HERC3: variants seen among roughly 807,000 people sequenced by gnomAD.
HERC3 encodes the protein HECT and RLD domain containing E3 ubiquitin protein ligase 3.
In HERC3, 58 loss-of-function variants were observed where a neutral mutation model predicts 129.9. The observed-to-expected ratio is 0.45, with a 90% confidence interval of 0.36 to 0.56. The LOEUF (loss-of-function observed/expected upper bound fraction) is 0.56, where lower values mean the gene tolerates loss of function less well. Among genes scored for constraint, HERC3 ranks in the 20% least tolerant of loss-of-function variants. The probability of loss-of-function intolerance (pLI) is 0.00; values close to 1 mark genes in which losing one functional copy is unlikely to be tolerated. For synonymous variants in HERC3, 430 were observed against 451.0 expected (o/e 0.95, Z 0.59); for missense variants, 835 against 1,244.2 (o/e 0.67, Z 4.95).
intron 4 of HERC3, among the ~76,000 whole-genome samples, chr4:88,650,558 C>T (rs1054252712): frequency 6.6e-6 from 1 of 152,072 alleles, no homozygotes; most frequent in African/African-American, 2.4e-5. Context: ...AGAGAACATC[C>T]CAAATATTGA....
chr4:88,551,298 T>G, the HERC3 span, among the ~76,000 whole-genome samples: 1 of 150,762 alleles, frequency 6.6e-6, no homozygotes, highest in East Asian at 1.9e-4. Context: ...CTAATTAAAC[T>G]AAAGAGCTTC....
At chr4:88,643,089 A>T (rs1728302939) in intron 3 of HERC3, among the ~76,000 whole-genome samples, 1 of 152,236 alleles carries the variant, frequency 6.6e-6, no homozygotes, top group Non-Finnish European at 1.5e-5. Flanking sequence ...CTATATCTAT[A>T]TATTAACGAT....
intron 3 of HERC3, among the ~76,000 whole-genome samples, chr4:88,647,162 G>T (rs527529179): frequency 1.2e-4 from 18 of 152,158 alleles, no homozygotes; most frequent in African/African-American, 4.3e-4. Flanking sequence ...TTGGAATCCA[G>T]GTGTTCCCTT....
chr4:88,545,532 G>C, the HERC3 span, among the ~76,000 whole-genome samples: 3 of 149,140 alleles, frequency 2.0e-5, no homozygotes. Context: ...TCTTGGACTC[G>C]AGTGATCCTA....
chr4:88,566,586 AG>A, the HERC3 span, among the ~76,000 whole-genome samples: 2 of 152,206 alleles, frequency 1.3e-5, no homozygotes, highest in Admixed American at 1.3e-4. Context: ...TTATATTACC[AG>A]TGAGTTTTGC....
chr4:88,692,969 C>T, intron 23 of HERC3: 1 of 983,014 alleles, frequency 1.0e-6, no homozygotes, highest in Non-Finnish European at 1.2e-6. Context: ...TTTCAAAAAG[C>T]AAAATTGTAA....
the HERC3 span, among the ~76,000 whole-genome samples, chr4:88,533,744 G>A: frequency 6.6e-6 from 1 of 152,276 alleles, no homozygotes; most frequent in South Asian, 2.1e-4. Context: ...ATGATTTAAA[G>A]TTGTGGCTAA....
At chr4:88,581,168 C>G in the HERC3 span, among the ~76,000 whole-genome samples, 137 of 152,250 alleles carry the variant, frequency 9.0e-4, no homozygotes, top group African/African-American at 3.2e-3. Context: ...CTTCTCTTTT[C>G]CCTTACTAGA....
At chr4:88,564,467 T>C in the HERC3 span, among the ~76,000 whole-genome samples, 1 of 152,218 alleles carries the variant, frequency 6.6e-6, no homozygotes, top group Non-Finnish European at 1.5e-5. Context: ...TTGTTATTGG[T>C]CTATTCACGT....
chr4:88,702,662 A>G (rs932798349), intron 23 of HERC3, among the ~76,000 whole-genome samples: 1 of 152,114 alleles, frequency 6.6e-6, no homozygotes, highest in Admixed American at 6.6e-5. Context: ...GTTTCTCTAA[A>G]TTCTCTATAT....
intron 7 of HERC3, among the ~76,000 whole-genome samples, chr4:88,654,387 T>C (rs56109651): frequency 0.17 from 15,494 of 93,092 alleles, 1,138 homozygotes; most frequent in Middle Eastern, 0.23. Context: ...TATATATATA[T>C]ACACACACAC....
the HERC3 span, among the ~76,000 whole-genome samples, chr4:88,586,389 G>A: frequency 3.0e-5 from 4 of 134,744 alleles, no homozygotes; most frequent in Non-Finnish European, 6.2e-5. Flanking sequence ...ACGGAGTTTC[G>A]CTCTTGTTGC....
At chr4:88,668,449 C>T (rs913326026) in intron 14 of HERC3, 8 of 231,720 alleles carry the variant, frequency 3.5e-5, no homozygotes, top group Admixed American at 5.6e-5. Flanking sequence ...TGAACAGTTT[C>T]GGTGATACAG....
chr4:88,556,242 C>T, the HERC3 span, among the ~76,000 whole-genome samples: 1 of 152,160 alleles, frequency 6.6e-6, no homozygotes, highest in African/African-American at 2.4e-5. Context: ...TGCTAAACCC[C>T]AAGTGTCTTT....
chr4:88,593,320 T>A (rs1257640967), intron 1 of HERC3: 1 of 152,950 alleles, frequency 6.5e-6, no homozygotes, highest in African/African-American at 2.4e-5. Flanking sequence ...TGTCAGGAGC[T>A]GGGACGGCCG....
chr4:88,575,707 C>T, the HERC3 span, among the ~76,000 whole-genome samples: 2 of 152,200 alleles, frequency 1.3e-5, no homozygotes, highest in African/African-American at 4.8e-5. Flanking sequence ...TCAATTGATG[C>T]ATGAATTTGA....
chr4:88,634,529 C>G (rs1186758398), intron 3 of HERC3, among the ~76,000 whole-genome samples: 1 of 152,194 alleles, frequency 6.6e-6, no homozygotes, highest in Non-Finnish European at 1.5e-5. Context: ...GCCGTAGTCT[C>G]TGTGGACCAG....
the HERC3 span, among the ~76,000 whole-genome samples, chr4:88,578,171 GT>G: frequency 6.6e-6 from 1 of 152,150 alleles, no homozygotes; most frequent in African/African-American, 2.4e-5. Context: ...CCATATCAAT[GT>G]TGTGAAAATA....
chr4:88,540,523 C>T, the HERC3 span, among the ~76,000 whole-genome samples: 1 of 152,216 alleles, frequency 6.6e-6, no homozygotes, highest in Non-Finnish European at 1.5e-5. Context: ...AAACACTCTT[C>T]AGGATATTAT....
Sources: allele counts gnomAD v4.1 joint callset (sites outside exome capture counted in the v4.1 genomes callset), GRCh38; gene constraint gnomAD v4.1.1; transcripts MANE v1.5; gene names NCBI Gene and HGNC (gene_info 2026-07-23, HGNC 2026-07-21).